Variants in DNMT1 observed in about 807,000 individuals in gnomAD.
DNMT1 encodes the protein DNA methyltransferase 1, also known as DNA (cytosine-5)-methyltransferase 1.
A neutral mutation model predicts 205.3 loss-of-function variants in DNMT1; 24 were observed. That is an observed-to-expected ratio of 0.12 (90% CI 0.08 to 0.16). The LOEUF (loss-of-function observed/expected upper bound fraction) is 0.16, where lower values mean the gene tolerates loss of function less well. Among genes scored for constraint, DNMT1 ranks in the 10% least tolerant of loss-of-function variants. DNMT1 has a pLI of 1.00. For synonymous variants in DNMT1, 817 were observed against 839.8 expected (o/e 0.97, Z 0.47); for missense variants, 1,293 against 2,177.7 (o/e 0.59, Z 8.09).
chr19:10,180,853 G>T lies in DNMT1; in HGVS notation c.150C>A (p.His50Gln). ...TCTTTATTTCTGTTTGCAGAAATTC[G>T]TGCAAGAGATTCAATTTCTCCTTCA... The part of the protein sequence containing the change: ...ECVKEKLNLL[H>Q]EFLQTEIKNQ... The change falls in exon 3 of 41, where the codon CAC becomes CAA. Residue 50 changes from histidine (H) to glutamine (Q), a missense_variant. Transcript: ENST00000359526. 1 of 1,614,062 alleles carries T rather than the reference G, an allele frequency of 6.2e-7. No individual in the cohort carries two copies.
rs34288732 is a variant in DNMT1 at position 10,176,855 on chromosome 19, C to CA, written c.569+436dup. Among the ~76,000 whole-genome samples, 71 of 141,752 alleles carry CA rather than the reference C, an allele frequency of 5.0e-4. 1 individual carries two copies. The highest frequency in any genetic ancestry group is 1.2e-3 in the African/African-American group (45 of 38,502). 93.0% of individuals were successfully genotyped at this position (141,752 alleles called of 152,430 possible). Reference sequence around the variant, plus strand: ...CCTGGGTGACAGCCAGATGCTGTCTCAAAAAAAAAAGACTGCTAAATGTTA... The same window carrying CA: ...CCTGGGTGACAGCCAGATGCTGTCTCAAAAAAAAAAAGACTGCTAAATGTTA... On this transcript the variant is annotated intron_variant, in intron 6 of 40. Coordinates refer to ENST00000359526, the MANE Select transcript of DNMT1 (RefSeq NM_001130823.3).
At chr19:10,157,710 T>A (rs1447800584) in intron 17 of DNMT1, among the ~76,000 whole-genome samples, 1 of 152,176 alleles carries the variant, frequency 6.6e-6, no homozygotes, top group East Asian at 1.9e-4. Flanking sequence ...CCCTACTGCG[T>A]ACCAGGCATG....
At chr19:10,147,366 T>C (rs1230792406) in intron 27 of DNMT1, among the ~76,000 whole-genome samples, 1 of 152,136 alleles carries the variant, frequency 6.6e-6, no homozygotes, top group Admixed American at 6.5e-5. Context: ...ATCCCAGCAC[T>C]TTAGGAGCCT....
chr19:10,162,825 A>C, intron 12 of DNMT1, 77 bp from the exon 13 acceptor site: 1 of 1,480,374 alleles, frequency 6.8e-7, no homozygotes, highest in East Asian at 2.3e-5. Context: ...GGAAAGTGAC[A>C]AACTAATGCC....
chr19:10,134,986 CG>C (rs1234161206), intron 39 of DNMT1, among the ~76,000 whole-genome samples: 1 of 151,010 alleles, frequency 6.6e-6, no homozygotes, highest in East Asian at 2.0e-4. Context: ...CCGAGGCAGG[CG>C]GATCACCTGA....
At chr19:10,136,998 C>T in intron 37 of DNMT1, 87 bp downstream of exon 37, 4 of 1,527,992 alleles carry the variant, frequency 2.6e-6, no homozygotes, top group South Asian at 1.2e-5. Flanking sequence ...TGTGCCCTGC[C>T]CTGGCCTCCA....
chr19:10,179,014 A>G (rs935953521), intron 5 of DNMT1, among the ~76,000 whole-genome samples: 4 of 150,834 alleles, frequency 2.7e-5, no homozygotes, highest in Non-Finnish European at 4.4e-5. Flanking sequence ...CTGTAGTCCC[A>G]GCTACTCGGG....
Position 10,137,707 on chromosome 19 carries a change from G to C in DNMT1, c.4293+125C>G. 7.6e-7 allele frequency: 1 copy of C among 1,319,040 alleles called. No individual in the cohort carries two copies. The highest frequency in any genetic ancestry group is 1.3e-5 in the South Asian group (1 of 78,998). The allele number at this position is 1,319,040 out of a possible 1,614,324, so 81.7% of individuals were successfully genotyped here. ...AGACCAGGGGTCACACAAAGGCTGA[G>C]GACTCGGGAGGAGGAGCCTGGGATC... On this transcript the variant is annotated intron_variant, in intron 36 of 40. Coordinates refer to ENST00000359526, the MANE Select transcript of DNMT1 (RefSeq NM_001130823.3). This position sits in a 1 kb window ranked among gnomAD's most constrained non-coding sequence, Gnocchi z 6.4.
intron 38 of DNMT1, 92 bp from the exon 39 acceptor site, chr19:10,135,944 C>CGGCCAT (rs1568218743): frequency 6.7e-7 from 1 of 1,487,734 alleles, no homozygotes. Flanking sequence ...TGACAGCATA[C>CGGCCAT]GGCCATGGCC....
intron 17 of DNMT1, among the ~76,000 whole-genome samples, chr19:10,157,390 A>C (rs2038480176): frequency 1.3e-5 from 2 of 152,222 alleles, no homozygotes. Context: ...CCTTTTGGGC[A>C]TAAATCTCAA....
chr19:10,139,607 G>A, intron 34 of DNMT1, 69 bp downstream of exon 34: 1 of 1,573,030 alleles, frequency 6.4e-7, no homozygotes, highest in South Asian at 1.2e-5. Context: ...CTTCAGTAAG[G>A]GATGGCTGGC....
chr19:10,189,975 G>C (rs939691608), intron 1 of DNMT1, among the ~76,000 whole-genome samples: 11 of 152,050 alleles, frequency 7.2e-5, no homozygotes, highest in African/African-American at 2.7e-4. Context: ...AAACACCAAG[G>C]CACCAAGAAG....
At chr19:10,143,624 C>G in intron 29 of DNMT1, 142 bp downstream of exon 29, 2 of 955,422 alleles carry the variant, frequency 2.1e-6, no homozygotes, top group Non-Finnish European at 3.3e-6. Context: ...TCAGTGCCCA[C>G]CGATAATCAG....
intron 9 of DNMT1, among the ~76,000 whole-genome samples, chr19:10,169,234 G>A (rs1433549008): frequency 2.0e-5 from 3 of 151,868 alleles, no homozygotes; most frequent in Non-Finnish European, 2.9e-5. Context: ...AGATCGCAAA[G>A]GTCAGGAATA....
chr19:10,194,951 C>T lies in DNMT1; in HGVS notation c.-52G>A, dbSNP rs756100060. 31 of 1,559,922 alleles carry T rather than the reference C, an allele frequency of 2.0e-5. 1 individual carries two copies. The highest frequency in any genetic ancestry group is 3.5e-4 in the Middle Eastern group (2 of 5,696). On this transcript the variant is annotated 5_prime_UTR_variant, in exon 1 of 41. Transcript: ENST00000359526. ...CGGCAGCGCAGGCGCCCCGGCTTTT[C>T]GCGCGGAAACCGATGGGGAGGGGCG...
rs771611874 is a variant in DNMT1, at chr19:10,138,002, A to T, written c.4123T>A (p.Ser1375Thr). Residue 1375 changes from serine (S) to threonine (T), a missense_variant, in exon 36 of 41, where the codon TCG (serine) becomes ACG (threonine). Coordinates refer to ENST00000359526, the MANE Select transcript of DNMT1 (RefSeq NM_001130823.3). This position sits in a 1 kb window ranked among gnomAD's most constrained non-coding sequence, Gnocchi z 4.1. ...ACCGTGATGGTCCGGAAAGGACCCGAGCTCAACCTGCAACAGAGGAGGAGG... is the reference window on the plus strand; with the variant it reads ...ACCGTGATGGTCCGGAAAGGACCCGTGCTCAACCTGCAACAGAGGAGGAGG... ...KFVSNITRLS[S>T]GPFRTITVRD... The T allele has an allele frequency of 6.2e-7, 1 of 1,610,630 alleles. No individual in the cohort carries two copies. Among genetic ancestry groups the T allele is most frequent in the Non-Finnish European group, 8.5e-7 (1 of 1,178,742 alleles).
Position 10,137,378 on chromosome 19 carries a change from C to T in DNMT1, c.4294-98G>A. On this transcript the variant is annotated intron_variant, in intron 36 of 40. Coordinates refer to ENST00000359526, the MANE Select transcript of DNMT1 (RefSeq NM_001130823.3). The surrounding 1 kb of genome is among the most constrained non-coding windows in gnomAD (Gnocchi z 6.4). ...TGGGAACACCATGGTGACCAGGAAG[C>T]CCCCTGGGGCTCACGCCCATCGGGA... The T allele has an allele frequency of 4.2e-6, 6 of 1,429,410 alleles. No individual in the cohort carries two copies. The highest frequency in any genetic ancestry group is 5.7e-6 in the Non-Finnish European group (6 of 1,053,166). 88.5% of individuals were successfully genotyped at this position (1,429,410 alleles called of 1,614,324 possible). A position where few individuals can be genotyped will look rare whatever the true frequency, so the allele number is the denominator to read the frequency against.
intron 9 of DNMT1, among the ~76,000 whole-genome samples, chr19:10,171,541 C>T (rs2038814701): frequency 6.6e-6 from 1 of 152,116 alleles, no homozygotes; most frequent in African/African-American, 2.4e-5. Context: ...CGCGGTGGTT[C>T]ACGCCTGTAA....
At chr19:10,145,221 C>T (rs1177727698) in intron 28 of DNMT1, among the ~76,000 whole-genome samples, 1 of 152,208 alleles carries the variant, frequency 6.6e-6, no homozygotes, top group African/African-American at 2.4e-5. Context: ...CACTAGGCCC[C>T]CCAGGAGTCT....
Sources: allele counts gnomAD v4.1 joint callset (sites outside exome capture counted in the v4.1 genomes callset), GRCh38; gene constraint gnomAD v4.1.1; non-coding constraint Gnocchi (gnomAD v3.1); transcripts MANE v1.5; gene names NCBI Gene and HGNC (gene_info 2026-07-23, HGNC 2026-07-21).